METTL25: variants seen among roughly 807,000 people sequenced by gnomAD.
METTL25 encodes the protein probable methyltransferase-like protein 25.
METTL25 carries 64 observed loss-of-function variants against 71.6 expected under a neutral mutation model. The observed-to-expected ratio is 0.89, with a 90% confidence interval of 0.73 to 1.10. The LOEUF is 1.10. Among genes scored for constraint, METTL25 ranks in the 50% least tolerant of loss-of-function variants. The pLI is 0.00. For synonymous variants in METTL25, 287 were observed against 250.3 expected (o/e 1.15, Z -1.38); for missense variants, 807 against 707.0 (o/e 1.14, Z -1.60).
At chr12:82,424,089 A>G (rs1888768222) in intron 5 of METTL25, among the ~76,000 whole-genome samples, 1 of 152,196 alleles carries the variant, frequency 6.6e-6, no homozygotes, top group African/African-American at 2.4e-5. Flanking sequence ...ATGCACACAT[A>G]TGTTTATTGC....
At chr12:82,377,210 A>C (rs1307609290) in intron 1 of METTL25, among the ~76,000 whole-genome samples, 1 of 152,198 alleles carries the variant, frequency 6.6e-6, no homozygotes, top group Admixed American at 6.5e-5. Flanking sequence ...AATTTAAAAA[A>C]AATTTAGTCA....
intron 1 of METTL25, among the ~76,000 whole-genome samples, chr12:82,365,248 T>C (rs568488019): frequency 2.6e-5 from 4 of 152,344 alleles, no homozygotes; most frequent in Admixed American, 2.6e-4. Flanking sequence ...ATCCAACTAA[T>C]AGATTTTTAA....
chr12:82,379,530 T>C (rs978933058), intron 1 of METTL25, among the ~76,000 whole-genome samples: 3 of 152,182 alleles, frequency 2.0e-5, no homozygotes, highest in Non-Finnish European at 4.4e-5. Flanking sequence ...TGTTGTTTTT[T>C]GTTATTTTTT....
chr12:82,432,115 G>A (rs1889550638), intron 6 of METTL25, among the ~76,000 whole-genome samples: 1 of 151,598 alleles, frequency 6.6e-6, no homozygotes, highest in African/African-American at 2.4e-5. Context: ...ATAAAATACA[G>A]TTGATTAAAT....
chr12:82,394,998 G>T (rs555739807), intron 3 of METTL25, among the ~76,000 whole-genome samples: 3 of 151,784 alleles, frequency 2.0e-5, no homozygotes, highest in Non-Finnish European at 4.4e-5. Context: ...CTGAGGTTGT[G>T]GTGGAAGAAG....
intron 8 of METTL25, among the ~76,000 whole-genome samples, chr12:82,451,657 T>TG (rs1267836292): frequency 6.6e-6 from 1 of 152,172 alleles, no homozygotes; most frequent in Non-Finnish European, 1.5e-5. Context: ...GAGCCCACTC[T>TG]GAAAAACACA....
intron 1 of METTL25, among the ~76,000 whole-genome samples, chr12:82,372,780 GGTTT>G (rs1224774946): frequency 6.6e-6 from 1 of 152,064 alleles, no homozygotes; most frequent in African/African-American, 2.4e-5. Context: ...CTGTGATTTT[GGTTT>G]GTTTGTTTCT....
At chr12:82,387,556 T>C (rs371132637) in intron 2 of METTL25, among the ~76,000 whole-genome samples, 8 of 152,022 alleles carry the variant, frequency 5.3e-5, no homozygotes, top group African/African-American at 1.4e-4. Context: ...ATATCTCTTA[T>C]TTGATCCTTA....
At chr12:82,393,065 T>C (rs1437995213) in intron 3 of METTL25, among the ~76,000 whole-genome samples, 2 of 152,136 alleles carry the variant, frequency 1.3e-5, no homozygotes, top group Non-Finnish European at 2.9e-5. Context: ...AGTAGTGTGA[T>C]GCCTCCAGCT....
At chr12:82,395,800 A>G (rs1311901021) in intron 3 of METTL25, among the ~76,000 whole-genome samples, 3 of 152,014 alleles carry the variant, frequency 2.0e-5, no homozygotes, top group South Asian at 2.1e-4. Flanking sequence ...AGGGACGTCT[A>G]TTGTGGGGAA....
intron 8 of METTL25, among the ~76,000 whole-genome samples, chr12:82,443,894 T>C (rs954428059): frequency 2.6e-5 from 4 of 152,074 alleles, no homozygotes; most frequent in Non-Finnish European, 4.4e-5. Flanking sequence ...CCTAAACTTT[T>C]CCCATTAGGC....
At chr12:82,430,085 T>C (rs1186307687) in intron 5 of METTL25, among the ~76,000 whole-genome samples, 1 of 150,496 alleles carries the variant, frequency 6.6e-6, no homozygotes. Context: ...TATAATATAA[T>C]ATAAATTAAT....
chr12:82,461,016 G>A (rs895686833), intron 9 of METTL25, among the ~76,000 whole-genome samples: 5 of 151,756 alleles, frequency 3.3e-5, no homozygotes, highest in Admixed American at 6.6e-5. Context: ...GGTGGCGGGC[G>A]CCTGTGGTCC....
rs892726072 is a variant in METTL25, at chr12:82,423,524, A to G, written c.1280-7369A>G. On this transcript the variant is annotated intron_variant, in intron 5 of 11. Transcript: ENST00000248306. ...AAAACACCAAAAGCAATGGCAACAA[A>G]AGCCAAAATTGACAAATGGGATCTA... Among the ~76,000 whole-genome samples the G allele has an allele frequency of 4.1e-4, 62 of 152,194 alleles. 1 individual carries two copies. The highest frequency in any genetic ancestry group is 8.2e-4 in the Non-Finnish European group (56 of 68,042).
Position 82,426,139 on chromosome 12 carries a change from G to C in METTL25, c.1280-4754G>C, listed in dbSNP as rs561453968. ...TGAGGGAGCTTCAGTCCTCACTGCA[G>C]ACAGAATAAAACTAATGAAACAGAT... On this transcript the variant is annotated intron_variant, in intron 5 of 11. Transcript: ENST00000248306. Among the ~76,000 whole-genome samples, 9 of 152,152 alleles carry C rather than the reference G, an allele frequency of 5.9e-5. No individual in the cohort carries two copies. The East Asian group carries it at 1.4e-3, about 23-fold the overall frequency.
At chr12:82,477,153 C>T in intron 10 of METTL25, 128 bp from the exon 11 acceptor site, 2 of 486,706 alleles carry the variant, frequency 4.1e-6, no homozygotes, top group Non-Finnish European at 7.3e-6. Flanking sequence ...GAAGATGTAC[C>T]TGGATTTTGG....
At chr12:82,477,873 T>G (rs1260860644) in intron 11 of METTL25, among the ~76,000 whole-genome samples, 1 of 151,824 alleles carries the variant, frequency 6.6e-6, no homozygotes. Context: ...CTGCAGATTC[T>G]ATTATGAGCT....
At chr12:82,374,896 A>T (rs909994860) in intron 1 of METTL25, among the ~76,000 whole-genome samples, 1 of 152,204 alleles carries the variant, frequency 6.6e-6, no homozygotes, top group African/African-American at 2.4e-5. Flanking sequence ...TGGTCTAGAG[A>T]TGAAGGATGT....
chr12:82,367,112 C>T (rs1186410568), intron 1 of METTL25, among the ~76,000 whole-genome samples: 1 of 152,136 alleles, frequency 6.6e-6, no homozygotes, highest in African/African-American at 2.4e-5. Flanking sequence ...ACTACTTTCC[C>T]CTTTCCCCAT....
Sources: allele counts gnomAD v4.1 joint callset (sites outside exome capture counted in the v4.1 genomes callset), GRCh38; gene constraint gnomAD v4.1.1; transcripts MANE v1.5; gene names NCBI Gene and HGNC (gene_info 2026-07-23, HGNC 2026-07-21).